Variants in NBEAL1 observed in about 807,000 individuals in gnomAD.
The protein encoded by NBEAL1 is neurobeachin like 1.
In NBEAL1, 273 loss-of-function variants were observed where a neutral mutation model predicts 351.3. The observed-to-expected ratio is 0.78, with a 90% CI of 0.70 to 0.86. The LOEUF (loss-of-function observed/expected upper bound fraction) is 0.86. Among genes scored for constraint, NBEAL1 ranks in the 40% least tolerant of loss-of-function variants. The pLI is 0.00. For missense variants in NBEAL1, 2,961 were observed against 3,201.3 expected, an observed-to-expected ratio of 0.92 and a Z score of 1.81; for synonymous variants, 1,050 against 1,086.4, an observed-to-expected ratio of 0.97 and a Z score of 0.66.
intron 29 of NBEAL1, among the ~76,000 whole-genome samples, chr2:203,137,210 G>A (rs775410528): frequency 6.6e-6 from 1 of 152,216 alleles, no homozygotes; most frequent in Non-Finnish European, 1.5e-5. Flanking sequence ...CACACATGCA[G>A]CCCAGGATGG....
intron 15 of NBEAL1, among the ~76,000 whole-genome samples, 153 bp downstream of exon 15, chr2:203,110,435 G>T (rs1213169626): frequency 1.3e-5 from 2 of 152,052 alleles, no homozygotes; most frequent in Non-Finnish European, 2.9e-5. Context: ...CACTTTAGGA[G>T]CCCAAAGCAG....
At chr2:203,127,488 C>T (rs2062966063) in intron 23 of NBEAL1, among the ~76,000 whole-genome samples, 1 of 152,184 alleles carries the variant, frequency 6.6e-6, no homozygotes, top group African/African-American at 2.4e-5. Flanking sequence ...CTTCGGGAGG[C>T]TGAGGTGGGC....
chr2:203,159,405 A>G (rs569061169), intron 36 of NBEAL1, among the ~76,000 whole-genome samples: 53 of 152,102 alleles, frequency 3.5e-4, no homozygotes, highest in African/African-American at 1.2e-3. Flanking sequence ...GGCAACCACT[A>G]ATTACTTTGT....
Position 203,107,910 on chromosome 2 carries a change from CCGTCGA to C in NBEAL1, c.1673_1678del (p.Arg558_Arg559del). 4 of 1,553,678 alleles carry C rather than the reference CCGTCGA, an allele frequency of 2.6e-6. No homozygotes were observed. Among genetic ancestry groups the C allele is most frequent in the Non-Finnish European group, 3.5e-6 (4 of 1,147,522 alleles). Reference sequence around the variant, plus strand: ...GTCAGTCAGTGAGCTCAGAAGAAATCCGTCGACTACTGAGATTGCTGAGAGTGGATG... The same window carrying C: ...GTCAGTCAGTGAGCTCAGAAGAAATCCTACTGAGATTGCTGAGAGTGGATG... On this transcript the variant is annotated inframe_deletion, in exon 14 of 56. Coordinates refer to ENST00000683969, the MANE Select transcript of NBEAL1 (RefSeq NM_001378026.1).
At chr2:203,125,216 A>G in intron 19 of NBEAL1, 136 bp from the exon 20 acceptor site, 1 of 556,114 alleles carries the variant, frequency 1.8e-6, no homozygotes, top group Non-Finnish European at 2.8e-6. Context: ...CCTACACAAA[A>G]ATTCCTTCAG....
intron 48 of NBEAL1, among the ~76,000 whole-genome samples, chr2:203,198,342 A>G (rs935557378): frequency 6.6e-6 from 1 of 152,010 alleles, no homozygotes; most frequent in African/African-American, 2.4e-5. Flanking sequence ...TTTTATAATC[A>G]AGAAGATAAA....
chr2:203,071,745 T>C (rs1172851155), intron 7 of NBEAL1, among the ~76,000 whole-genome samples: 1 of 152,206 alleles, frequency 6.6e-6, no homozygotes, highest in Non-Finnish European at 1.5e-5. Flanking sequence ...AAATAAGTTA[T>C]ATGTAACCAG....
At chr2:203,160,797 G>T (rs1279502193) in intron 36 of NBEAL1, among the ~76,000 whole-genome samples, 3 of 152,088 alleles carry the variant, frequency 2.0e-5, no homozygotes, top group Non-Finnish European at 4.4e-5. Flanking sequence ...TATTCATTGG[G>T]GTTTTTTTGT....
intron 14 of NBEAL1, among the ~76,000 whole-genome samples, chr2:203,108,817 C>G (rs558360735): frequency 6.6e-6 from 1 of 152,036 alleles, no homozygotes; most frequent in South Asian, 2.1e-4. Context: ...GAGGTAGAGG[C>G]AGGTGCATTG....
chr2:203,177,373 TAA>T (rs35540453), intron 42 of NBEAL1, among the ~76,000 whole-genome samples: 15 of 135,474 alleles, frequency 1.1e-4, no homozygotes, highest in Non-Finnish European at 1.3e-4. Context: ...CCATCTCTAT[TAA>T]AAAAAAAAAA....
At chr2:203,060,220 A>T (rs1344493270) in intron 6 of NBEAL1, among the ~76,000 whole-genome samples, 1 of 152,232 alleles carries the variant, frequency 6.6e-6, no homozygotes, top group African/African-American at 2.4e-5. Context: ...GGGAGAGAAG[A>T]TTTATAAAAA....
rs1258392595 is a variant in NBEAL1 at position 203,126,030 on chromosome 2, T to C, written c.2922T>C (p.Pro974=). The stretch of plus-strand genomic sequence containing the variant: ...TGAAACATTTTATTCAGAGACATCC[T>C]ATCAACCAGGGCAATCTTATTCACT... ...LIVKHFIQRH[P]INQGNLIHSH... Residue 974 remains proline, a synonymous_variant, in exon 21 of 56, where the codon CCT becomes CCC. Coordinates refer to ENST00000683969, the MANE Select transcript of NBEAL1 (RefSeq NM_001378026.1). The C allele has an allele frequency of 6.5e-7, 1 of 1,544,364 alleles. No homozygotes were observed. The highest frequency in any genetic ancestry group is 8.7e-7 in the Non-Finnish European group (1 of 1,143,976).
At chr2:203,136,319 G>T in intron 28 of NBEAL1, 67 bp downstream of exon 28, 1 of 1,130,986 alleles carries the variant, frequency 8.8e-7, no homozygotes, top group Non-Finnish European at 1.2e-6. Flanking sequence ...CTAATCCTTA[G>T]AAATATGTGA....
chr2:203,107,396 A>G (rs988545981), intron 12 of NBEAL1, 24 bp from the exon 13 acceptor site: 42 of 1,190,516 alleles, frequency 3.5e-5, no homozygotes, highest in Non-Finnish European at 4.7e-5. Flanking sequence ...ATGTACTTTG[A>G]TATATTGTCT....
intron 30 of NBEAL1, 78 bp downstream of exon 30, chr2:203,138,393 T>A: frequency 7.5e-7 from 1 of 1,327,010 alleles, no homozygotes; most frequent in Non-Finnish European, 1.0e-6. Flanking sequence ...ACCCCCTCTT[T>A]TTAGAGCGTT....
At chr2:203,161,734 G>A (rs1031734946) in intron 36 of NBEAL1, among the ~76,000 whole-genome samples, 1 of 152,006 alleles carries the variant, frequency 6.6e-6, no homozygotes, top group African/African-American at 2.4e-5. Context: ...TGGGAAGGCT[G>A]AGGCAAGAAG....
intron 38 of NBEAL1, among the ~76,000 whole-genome samples, 172 bp downstream of exon 38, chr2:203,167,532 C>T (rs1047580215): frequency 7.9e-5 from 12 of 151,916 alleles, no homozygotes; most frequent in African/African-American, 2.9e-4. Context: ...GATTTATATA[C>T]GTTTGAGTTT....
intron 44 of NBEAL1, among the ~76,000 whole-genome samples, chr2:203,183,881 C>T (rs2064807928): frequency 6.6e-6 from 1 of 151,516 alleles, no homozygotes; most frequent in Admixed American, 6.6e-5. Flanking sequence ...GTTCGGAGAT[C>T]AACCTGGCCA....
intron 2 of NBEAL1, among the ~76,000 whole-genome samples, chr2:203,033,338 T>C (rs1042345082): frequency 3.9e-5 from 6 of 152,210 alleles, no homozygotes; most frequent in Admixed American, 6.5e-5. Context: ...CCAAATTTAT[T>C]GTATGTATTT....
Sources: allele counts gnomAD v4.1 joint callset (sites outside exome capture counted in the v4.1 genomes callset), GRCh38; gene constraint gnomAD v4.1.1; transcripts MANE v1.5; gene names NCBI Gene and HGNC (gene_info 2026-07-23, HGNC 2026-07-21).